The following SND1 variants were observed in gnomAD, a reference collection of about 807,000 sequenced individuals.
SND1 encodes staphylococcal nuclease and tudor domain containing 1.
Under a neutral mutation model 121.7 loss-of-function variants are expected in SND1, and 38 were observed. The observed-to-expected ratio is 0.31, with a 90% CI of 0.24 to 0.41. The LOEUF (loss-of-function observed/expected upper bound fraction) is 0.41, where lower values mean the gene tolerates loss of function less well. SND1 is among the 10% of genes least tolerant of loss of function. SND1 has a pLI of 1.00. For synonymous variants in SND1, 401 were observed against 447.4 expected, an observed-to-expected ratio of 0.90 and a Z score of 1.31; for missense variants, 868 against 1,184.6, an observed-to-expected ratio of 0.73 and a Z score of 3.92.
chr7:128,032,437 C>T (rs976411759), intron 16 of SND1, among the ~76,000 whole-genome samples: 2 of 151,634 alleles, frequency 1.3e-5, no homozygotes, highest in South Asian at 2.1e-4. Context: ...AAGTCGCAGG[C>T]GTTCGCAGCT....
At chr7:127,908,273 C>G (rs971531121) in intron 14 of SND1, among the ~76,000 whole-genome samples, 1 of 148,758 alleles carries the variant, frequency 6.7e-6, no homozygotes, top group African/African-American at 2.5e-5. Flanking sequence ...GTCTTGTAGT[C>G]AGTGTAGTGA....
chr7:127,875,314 G>T lies in SND1; in HGVS notation c.1344-12588G>T, dbSNP rs561321159. Among the ~76,000 whole-genome samples, 61 of 152,232 alleles carry T rather than the reference G, an allele frequency of 4.0e-4. 1 individual carries two copies. Among genetic ancestry groups the T allele is most frequent in the African/African-American group, 1.4e-3 (58 of 41,548 alleles). Reference sequence around the variant, plus strand: ...TTGGATCTGTAGGGAATATGATCTAGTTGGGAAGACAAGATATGTACCCAG... The same window carrying T: ...TTGGATCTGTAGGGAATATGATCTATTTGGGAAGACAAGATATGTACCCAG... On this transcript the variant is annotated intron_variant, in intron 12 of 23. Coordinates refer to ENST00000354725, the MANE Select transcript of SND1 (RefSeq NM_014390.4).
intron 10 of SND1, among the ~76,000 whole-genome samples, chr7:127,774,147 G>A (rs80101803): frequency 0.024 from 3,594 of 152,212 alleles, 155 homozygotes; most frequent in African/African-American, 0.082. Flanking sequence ...ATTGTTATCC[G>A]AGGAGATGAC....
intron 10 of SND1, among the ~76,000 whole-genome samples, chr7:127,744,803 A>G (rs1796947839): frequency 6.6e-6 from 1 of 152,210 alleles, no homozygotes; most frequent in South Asian, 2.1e-4. Flanking sequence ...GAGTTTAGAG[A>G]TACAACAAAT....
intron 2 of SND1, among the ~76,000 whole-genome samples, chr7:127,688,881 T>C (rs1008202575): frequency 5.9e-5 from 9 of 152,234 alleles, no homozygotes; most frequent in Admixed American, 5.2e-4. Context: ...GTGGAACTTT[T>C]ATTAATATTT....
intron 16 of SND1, among the ~76,000 whole-genome samples, chr7:128,051,712 G>A (rs950475747): frequency 7.2e-5 from 11 of 152,154 alleles, no homozygotes; most frequent in South Asian, 2.1e-4. Context: ...GAATTCACTC[G>A]GGATGGAAAG....
At chr7:127,841,370 G>A (rs1798962119) in intron 11 of SND1, among the ~76,000 whole-genome samples, 3 of 152,078 alleles carry the variant, frequency 2.0e-5, no homozygotes, top group Admixed American at 6.6e-5. Context: ...CATGGACCTC[G>A]TTCCTCATTT....
intron 10 of SND1, among the ~76,000 whole-genome samples, chr7:127,758,496 A>G (rs1034365352): frequency 7.4e-6 from 1 of 135,736 alleles, no homozygotes; most frequent in African/African-American, 2.4e-5. Context: ...GGTTAATAGT[A>G]TATCAGGGGA....
chr7:127,718,701 C>T, intron 9 of SND1: 2 of 985,362 alleles, frequency 2.0e-6, no homozygotes, highest in Non-Finnish European at 2.4e-6. Context: ...GTGCCTAATT[C>T]CAGTAACTTG....
At chr7:127,913,686 G>C (rs1011296824) in intron 14 of SND1, among the ~76,000 whole-genome samples, 2 of 152,138 alleles carry the variant, frequency 1.3e-5, no homozygotes, top group African/African-American at 4.8e-5. Context: ...CCAGGTTGAG[G>C]TGTGTGATTG....
At chr7:127,983,708 A>G (rs1464821698) in intron 15 of SND1, among the ~76,000 whole-genome samples, 2 of 152,106 alleles carry the variant, frequency 1.3e-5, no homozygotes, top group South Asian at 2.1e-4. Context: ...ATATTCAATA[A>G]TATTGAATAT....
chr7:127,694,100 C>T (rs1795968647), intron 2 of SND1, among the ~76,000 whole-genome samples: 1 of 152,172 alleles, frequency 6.6e-6, no homozygotes, highest in Non-Finnish European at 1.5e-5. Context: ...TTACTGGTGT[C>T]CTCCCAAGGA....
At chr7:127,905,754 A>G (rs1800322565) in intron 14 of SND1, among the ~76,000 whole-genome samples, 1 of 152,192 alleles carries the variant, frequency 6.6e-6, no homozygotes, top group Non-Finnish European at 1.5e-5. Context: ...AGAGAGGATC[A>G]GGTCTGTGCC....
At chr7:128,055,107 G>C (rs1281455954) in intron 16 of SND1, among the ~76,000 whole-genome samples, 1 of 152,162 alleles carries the variant, frequency 6.6e-6, no homozygotes. Flanking sequence ...TCGTGGTTTT[G>C]TTTTGTTTTG....
chr7:128,066,964 C>T (rs1793326267), intron 16 of SND1, among the ~76,000 whole-genome samples: 1 of 152,140 alleles, frequency 6.6e-6, no homozygotes, highest in African/African-American at 2.4e-5. Flanking sequence ...TTATTCAGTT[C>T]CCGTCTCTCC....
Position 127,760,914 on chromosome 7 carries a change from G to A in SND1, c.1152+39514G>A, listed in dbSNP as rs540667521. 9.2e-5 allele frequency among the ~76,000 whole-genome samples: 14 copies of A among 152,260 alleles called. No homozygotes were observed. In the South Asian group the frequency reaches 2.5e-3, roughly 27 times the overall value. On this transcript the variant is annotated intron_variant, in intron 10 of 23. Transcript: ENST00000354725. ...ATGAACCAGAAACTATATTGTAATC[G>A]CAAACTGTATTCTCAACGAAATTCT...
chr7:127,929,783 A>G (rs1800922755), intron 15 of SND1, among the ~76,000 whole-genome samples: 1 of 152,158 alleles, frequency 6.6e-6, no homozygotes, highest in African/African-American at 2.4e-5. Flanking sequence ...TTCAAATGCC[A>G]TTAAGATCCC....
chr7:127,725,789 T>A (rs1453563237), intron 10 of SND1, among the ~76,000 whole-genome samples: 1 of 151,746 alleles, frequency 6.6e-6, no homozygotes. Flanking sequence ...AGGAACTAGA[T>A]GAGTAGGAGA....
chr7:127,660,408 G>C (rs1227943722), intron 1 of SND1, among the ~76,000 whole-genome samples: 1 of 152,176 alleles, frequency 6.6e-6, no homozygotes, highest in East Asian at 1.9e-4. Flanking sequence ...GAGTGTGGGG[G>C]CTAATAGGGT....
Sources: gnomAD v4.1 joint callset for allele counts (sites outside exome capture counted in the v4.1 genomes callset) on GRCh38, gnomAD v4.1.1 for gene constraint, MANE v1.5 for transcripts, NCBI Gene and HGNC (gene_info 2026-07-23, HGNC 2026-07-21) for gene names.